Variants in ROBO3 observed in about 807,000 individuals in gnomAD.
The protein encoded by ROBO3 is roundabout homolog 3.
ROBO3 carries 97 observed loss-of-function variants against 160.5 expected under a neutral mutation model. The observed-to-expected ratio is 0.60, with a 90% CI of 0.51 to 0.72. The LOEUF (loss-of-function observed/expected upper bound fraction) is 0.72. ROBO3 is among the 30% of genes least tolerant of loss of function. ROBO3 has a pLI of 0.00. For missense variants in ROBO3, 1,858 were observed against 1,846.5 expected (o/e 1.01, Z -0.11); for synonymous variants, 780 against 746.2 (o/e 1.05, Z -0.74).
At position 124,873,143 on chromosome 11, in the gene ROBO3, T is replaced by G. The variant is rs1358186219; in HGVS notation, c.1536+54T>G. ...CTGAGAATGGCTATCTGCTCCACGT[T>G]CCTTACACAAGTAAGTACTCACTGG... On this transcript the variant is annotated intron_variant, in intron 9 of 27. Coordinates refer to ENST00000397801, the MANE Select transcript of ROBO3 (RefSeq NM_022370.4). The surrounding 1 kb of genome is among the most constrained non-coding windows in gnomAD (Gnocchi z 4.5). 1 of 1,559,154 alleles carries G rather than the reference T, an allele frequency of 6.4e-7. No homozygotes were observed. Among genetic ancestry groups the G allele is most frequent in the Non-Finnish European group, 8.8e-7 (1 of 1,138,402 alleles).
Position 124,873,478 on chromosome 11 carries a change from G to T in ROBO3, c.1618+87G>T. ...TAGTCGATACCTCCTCAAACTCCGG[G>T]ATTAACTTTATGTCACAAATGCCAT... On this transcript the variant is annotated intron_variant, in intron 10 of 27. Coordinates refer to ENST00000397801, the MANE Select transcript of ROBO3 (RefSeq NM_022370.4). The surrounding 1 kb of genome is among the most constrained non-coding windows in gnomAD (Gnocchi z 4.5). 14 of 1,223,794 alleles carry T rather than the reference G, an allele frequency of 1.1e-5. No homozygotes were observed. The South Asian group carries it at 1.8e-4, about 16-fold the overall frequency. The allele number at this position is 1,223,794 out of a possible 1,614,324, so 75.8% of individuals were successfully genotyped here.
Position 124,869,384 on chromosome 11 carries a change from C to G in ROBO3, c.488-66C>G, listed in dbSNP as rs192673113. The stretch of plus-strand genomic sequence containing the variant: ...AACCCCTTCCCAAGACAACACTTTC[C>G]CTGTGTCCTCAGCCAGTTATGTCAC... On this transcript the variant is annotated intron_variant, in intron 2 of 27. Coordinates refer to ENST00000397801, the MANE Select transcript of ROBO3 (RefSeq NM_022370.4). The surrounding 1 kb of genome is among the most constrained non-coding windows in gnomAD (Gnocchi z 4.2). 5,527 of 1,401,960 alleles carry G rather than the reference C, an allele frequency of 3.9e-3. 166 individuals carry two copies. In the Admixed American group the frequency reaches 0.07, roughly 18 times the overall value. 86.8% of individuals were successfully genotyped at this position (1,401,960 alleles called of 1,614,324 possible). A position where few individuals can be genotyped will look rare whatever the true frequency, so the allele number is the denominator to read the frequency against.
In ROBO3 at chr11:124,876,541, C is replaced by A. The variant is rs1358567182; in HGVS notation, c.2779+81C>A. 3.3e-6 allele frequency: 4 copies of A among 1,194,964 alleles called. No individual in the cohort carries two copies. The highest frequency in any genetic ancestry group is 2.2e-6 in the Non-Finnish European group (2 of 923,720). The allele number at this position is 1,194,964 out of a possible 1,614,324, so 74.0% of individuals were successfully genotyped here. A position where few individuals can be genotyped will look rare whatever the true frequency, so the allele number is the denominator to read the frequency against. On this transcript the variant is annotated intron_variant, in intron 17 of 27. Coordinates refer to ENST00000397801, the MANE Select transcript of ROBO3 (RefSeq NM_022370.4). This position sits in a 1 kb window ranked among gnomAD's most constrained non-coding sequence, Gnocchi z 5.3. ...GGAGGGGCAGGGGCTTAGCCGCTGG[C>A]GAGTGAGGACCGGGTCGGGAGAAAG... is the stretch of plus-strand genomic sequence containing the variant.
At position 124,879,340 on chromosome 11, in the gene ROBO3, AG is replaced by A; in HGVS notation, c.3685+1del. 2 of 1,608,580 alleles carry A rather than the reference AG, an allele frequency of 1.2e-6. No homozygotes were observed. Among genetic ancestry groups the A allele is most frequent in the Non-Finnish European group, 1.7e-6 (2 of 1,176,574 alleles). On this transcript the variant is annotated frameshift_variant and splice_region_variant, in exon 24 of 28. Coordinates refer to ENST00000397801, the MANE Select transcript of ROBO3 (RefSeq NM_022370.4). LOFTEE classifies it high-confidence loss of function. ...PAPSTASSAP[G>X]RTWQGNGEMT... ...CCCCTAGCACAGCCAGCAGTGCCCC[AG>A]GTAAGTCTCTACAACCTCCTTTTGC...
intron 14 of ROBO3, 64 bp downstream of exon 14, chr11:124,875,400 G>A: frequency 1.3e-6 from 2 of 1,514,572 alleles, no homozygotes; most frequent in Non-Finnish European, 1.8e-6. Context: ...TGGAGGTGGA[G>A]GGGGGATGAA....
Position 124,876,417 on chromosome 11 carries a change from C to G in ROBO3, c.2736C>G (p.Leu912=). 7 of 1,449,800 alleles carry G rather than the reference C, an allele frequency of 4.8e-6. No homozygotes were observed. The highest frequency in any genetic ancestry group is 5.4e-6 in the Non-Finnish European group (6 of 1,107,524). The allele number at this position is 1,449,800 out of a possible 1,614,324, so 89.8% of individuals were successfully genotyped here. The change falls in exon 17 of 28, where the codon CTC becomes CTG. Residue 912 remains leucine (L), a synonymous_variant. Transcript: ENST00000397801. This position sits in a 1 kb window ranked among gnomAD's most constrained non-coding sequence, Gnocchi z 5.3. ...GALLLGLCAA[L]YWRRKQRKEL... ...TGCTTCTCGGGCTCTGCGCCGCCCT[C>G]TACTGGCGCCGGAAACAGCGCAAAG...
Position 124,866,027 on chromosome 11 carries a change from G to A in ROBO3, c.160+290G>A, listed in dbSNP as rs564903234. On this transcript the variant is annotated intron_variant, in intron 1 of 27. Transcript: ENST00000397801. ...GGTGAGAAGAACCGTTGCTGGTAAC[G>A]GGCAGGGAAGTCCGAGCTAAGAAAG... is the stretch of plus-strand genomic sequence containing the variant. Among the ~76,000 whole-genome samples, 3 of 152,308 alleles carry A rather than the reference G, an allele frequency of 2.0e-5. No homozygotes were observed. In the South Asian group the frequency reaches 6.2e-4, roughly 32 times the overall value.
chr11:124,878,669 C>G lies in ROBO3; in HGVS notation c.3406C>G (p.Pro1136Ala). The change falls in exon 23 of 28, where the codon CCA becomes GCA. Residue 1136 changes from proline to alanine, a missense_variant. Coordinates refer to ENST00000397801, the MANE Select transcript of ROBO3 (RefSeq NM_022370.4). The surrounding 1 kb of genome is among the most constrained non-coding windows in gnomAD (Gnocchi z 4.3). ...CTCCAGTGGAGGGTGCCTGGTCACC[C>G]CATCCCGAAGGGAAACCCCCTCTCC... is the stretch of plus-strand genomic sequence containing the variant. ...PSSSGGCLVT[P>A]SRRETPSPTP... 1 of 1,613,596 alleles carries G rather than the reference C, an allele frequency of 6.2e-7. No homozygotes were observed. Among genetic ancestry groups the G allele is most frequent in the Non-Finnish European group, 8.5e-7 (1 of 1,179,746 alleles).
chr11:124,873,189 C>T lies in ROBO3; in HGVS notation c.1536+100C>T. 7.0e-7 allele frequency: 1 copy of T among 1,421,096 alleles called. No individual in the cohort carries two copies. Among genetic ancestry groups the T allele is most frequent in the Non-Finnish European group, 9.7e-7 (1 of 1,027,052 alleles). 88.0% of individuals were successfully genotyped at this position (1,421,096 alleles called of 1,614,324 possible). On this transcript the variant is annotated intron_variant, in intron 9 of 27. Transcript: ENST00000397801. This position sits in a 1 kb window ranked among gnomAD's most constrained non-coding sequence, Gnocchi z 4.5. ...ACTGGGCCTGTAGCCCCATCTTTAC[C>T]CCTCTGTTCTCTCAGAGCACCTAGT...
chr11:124,876,296 C>T lies in ROBO3; in HGVS notation c.2615C>T (p.Pro872Leu). 6.8e-7 allele frequency: 1 copy of T among 1,461,646 alleles called. No individual in the cohort carries two copies. Among genetic ancestry groups the T allele is most frequent in the Non-Finnish European group, 8.9e-7 (1 of 1,119,416 alleles). 90.5% of individuals were successfully genotyped at this position (1,461,646 alleles called of 1,614,324 possible). Reference sequence around the variant, plus strand: ...ACAGCGTCCCCGCCGGACCTGGAGCCCGGGCTGGAGGTGGGCGCGGGGCTG... The same window carrying T: ...ACAGCGTCCCCGCCGGACCTGGAGCTCGGGCTGGAGGTGGGCGCGGGGCTG... ...VQLPSPPDLE[P>L]GLEVGAGLAV... The change falls in exon 17 of 28, where the codon CCC (proline) becomes CTC (leucine). Residue 872 changes from proline to leucine, a missense_variant. Physicochemically the swap from Pro to Leu is moderately conservative, Grantham distance 98 (BLOSUM62 -3). Transcript: ENST00000397801. This position sits in a 1 kb window ranked among gnomAD's most constrained non-coding sequence, Gnocchi z 5.3.
rs756715642 is a variant in ROBO3, at chr11:124,871,106, C to G, written c.1126C>G (p.Pro376Ala). ...FQCETKGNPP[P>A]AIFWQKEGSQ... ...GTGCGAGACCAAAGGAAACCCCCCACCTGCCATCTTCTGGCAGAAGGAGGG... is the reference window on the plus strand; with the variant it reads ...GTGCGAGACCAAAGGAAACCCCCCAGCTGCCATCTTCTGGCAGAAGGAGGG... Residue 376 changes from proline to alanine, a missense_variant, in exon 7 of 28, where the codon CCT (proline) becomes GCT (alanine). Physicochemically the swap from Pro to Ala is conservative, Grantham distance 27 (BLOSUM62 -1). Coordinates refer to ENST00000397801, the MANE Select transcript of ROBO3 (RefSeq NM_022370.4). 2 of 1,613,630 alleles carry G rather than the reference C, an allele frequency of 1.2e-6. No homozygotes were observed. Among genetic ancestry groups the G allele is most frequent in the Non-Finnish European group, 1.7e-6 (2 of 1,179,644 alleles).
Position 124,874,129 on chromosome 11 carries a change from C to T in ROBO3, c.1844C>T (p.Thr615Ile). ...VADGVQLETH[T>I]VSGLQPNTIY... ...GATGGCGTGCAGCTGGAGACACACA[C>T]AGTCAGCGGTCTGCAGCCCAATACC... Residue 615 changes from threonine to isoleucine, a missense_variant, in exon 12 of 28, where the codon ACA becomes ATA. Thr to Ile is a moderately conservative substitution (Grantham distance 89, BLOSUM62 -1). Transcript: ENST00000397801. 6.2e-7 allele frequency: 1 copy of T among 1,613,998 alleles called. No individual in the cohort carries two copies. The highest frequency in any genetic ancestry group is 8.5e-7 in the Non-Finnish European group (1 of 1,179,878).
Position 124,870,208 on chromosome 11 carries a change from G to A in ROBO3, c.810G>A (p.Leu270=), listed in dbSNP as rs756240580. The A allele has an allele frequency of 6.2e-7, 1 of 1,614,048 alleles. No homozygotes were observed. Among genetic ancestry groups the A allele is most frequent in the South Asian group, 1.1e-5 (1 of 91,084 alleles). ...GCAGACCAGTGAATCAGGTGGTCCT[G>A]GCTGATGCCCCTGTGACTTTCCTAT... is the stretch of plus-strand genomic sequence containing the variant. The part of the protein sequence containing the change: ...FLRRPVNQVV[L]ADAPVTFLCE... The change falls in exon 5 of 28, where the codon CTG becomes CTA. Residue 270 remains leucine (L), a synonymous_variant. Transcript: ENST00000397801.
Position 124,873,050 on chromosome 11 carries a change from G to T in ROBO3, c.1497G>T (p.Lys499Asn), listed in dbSNP as rs368125569. 6.2e-7 allele frequency: 1 copy of T among 1,613,852 alleles called. No homozygotes were observed. The highest frequency in any genetic ancestry group is 1.3e-5 in the African/African-American group (1 of 74,922). Residue 499 changes from lysine (K) to asparagine (N), a missense_variant, in exon 9 of 28, where the codon AAG becomes AAT. Physicochemically the swap from Lys to Asn is moderately conservative, Grantham distance 94 (BLOSUM62 0). Transcript: ENST00000397801. This position sits in a 1 kb window ranked among gnomAD's most constrained non-coding sequence, Gnocchi z 4.5. ...TGCAGGGGGATGACCTCCAGTTCAA[G>T]ACAATGGCCAACGGTACCCTGTACA... ...QWLQGDDLQF[K>N]TMANGTLYIA...
Position 124,880,914 on chromosome 11 carries a change from G to A in ROBO3, c.4149+306G>A, listed in dbSNP as rs145660032. 8.5e-3 allele frequency among the ~76,000 whole-genome samples: 1,291 copies of A among 152,178 alleles called. 14 individuals are homozygous for A. Among genetic ancestry groups the A allele is most frequent in the African/African-American group, 0.029 (1,199 of 41,502 alleles). On this transcript the variant is annotated intron_variant, in intron 27 of 27. Coordinates refer to ENST00000397801, the MANE Select transcript of ROBO3 (RefSeq NM_022370.4). ...ACAAAAAATACAAAATTAGCTGGGCGTGGTGGTATGCTCCTGTAGTCCCAG... is the reference window on the plus strand; with the variant it reads ...ACAAAAAATACAAAATTAGCTGGGCATGGTGGTATGCTCCTGTAGTCCCAG...
In ROBO3 at chr11:124,878,074, G is replaced by A. The variant is rs1202084921; in HGVS notation, c.3124G>A (p.Gly1042Arg). The change falls in exon 21 of 28, where the codon GGA (glycine) becomes AGA (arginine). Residue 1042 changes from glycine (G) to arginine (R), a missense_variant. Coordinates refer to ENST00000397801, the MANE Select transcript of ROBO3 (RefSeq NM_022370.4). This position sits in a 1 kb window ranked among gnomAD's most constrained non-coding sequence, Gnocchi z 4.3. ...TGGGGGCTTCCCCCAACATCCCTCA[G>A]GAGATCTGGGTCCCTGGAGCCAGTA... Reference protein sequence around the residue: ...FHGGFPQHPSGDLGPWSQYAP... With the variant: ...FHGGFPQHPSRDLGPWSQYAP... The A allele has an allele frequency of 6.2e-7, 1 of 1,612,536 alleles. No individual in the cohort carries two copies. Among genetic ancestry groups the A allele is most frequent in the South Asian group, 1.1e-5 (1 of 90,852 alleles).
At position 124,880,602 on chromosome 11, in the gene ROBO3, C is replaced by T. The variant is rs1319002535; in HGVS notation, c.4143C>T (p.Arg1381=). 3.9e-6 allele frequency: 6 copies of T among 1,543,816 alleles called. No individual in the cohort carries two copies. Among genetic ancestry groups the T allele is most frequent in the Non-Finnish European group, 5.2e-6 (6 of 1,144,914 alleles). The change falls in exon 27 of 28, where the codon CGC becomes CGT. Residue 1381 remains arginine, a synonymous_variant. Coordinates refer to ENST00000397801, the MANE Select transcript of ROBO3 (RefSeq NM_022370.4). The stretch of plus-strand genomic sequence containing the variant: ...AGAGCCAAAGGCCAGGACAGAAACG[C>T]CGAGAGGTAGGGGCCATAGATTGCA... ...RSQSQRPGQK[R]REEPR
rs756400173 is a variant in ROBO3, at chr11:124,873,000, C to G, written c.1447C>G (p.Arg483Gly). 1 of 1,613,842 alleles carries G rather than the reference C, an allele frequency of 6.2e-7. No homozygotes were observed. Among genetic ancestry groups the G allele is most frequent in the Non-Finnish European group, 8.5e-7 (1 of 1,179,844 alleles). Residue 483 changes from arginine (R) to glycine (G), a missense_variant, in exon 9 of 28, where the codon CGA (arginine) becomes GGA (glycine). Arg to Gly is a moderately radical substitution (Grantham distance 125). Coordinates refer to ENST00000397801, the MANE Select transcript of ROBO3 (RefSeq NM_022370.4). This position sits in a 1 kb window ranked among gnomAD's most constrained non-coding sequence, Gnocchi z 4.3. ...RVTGNPQPSV[R>G]WKKDGQWLQG... ...GACTGGGAACCCTCAACCCAGTGTC[C>G]GATGGAAGAAGGATGGGCAGTGGCT...
chr11:124,873,076 T>A lies in ROBO3; in HGVS notation c.1523T>A (p.Ile508Asn). 6.2e-7 allele frequency: 1 copy of A among 1,613,672 alleles called. No individual in the cohort carries two copies. The highest frequency in any genetic ancestry group is 8.5e-7 in the Non-Finnish European group (1 of 1,179,720). ...ACAATGGCCAACGGTACCCTGTACATCGCCAATGTGCAGGTGAGTGTCACC... is the reference window on the plus strand; with the variant it reads ...ACAATGGCCAACGGTACCCTGTACAACGCCAATGTGCAGGTGAGTGTCACC... ...FKTMANGTLYIANVQEMDMGF... is the reference protein window; with the variant it reads ...FKTMANGTLYNANVQEMDMGF... The change falls in exon 9 of 28, where the codon ATC becomes AAC. Residue 508 changes from isoleucine to asparagine, a missense_variant. Physicochemically the swap from Ile to Asn is moderately radical, Grantham distance 149. Transcript: ENST00000397801. This position sits in a 1 kb window ranked among gnomAD's most constrained non-coding sequence, Gnocchi z 4.5.
Sources: allele counts gnomAD v4.1 joint callset (sites outside exome capture counted in the v4.1 genomes callset), GRCh38; gene constraint gnomAD v4.1.1; non-coding constraint Gnocchi (gnomAD v3.1); transcripts MANE v1.5; gene names NCBI Gene and HGNC (gene_info 2026-07-23, HGNC 2026-07-21).